Variants in MGAM observed in about 807,000 individuals in gnomAD.
The protein encoded by MGAM is maltase-glucoamylase.
A neutral mutation model predicts 358.8 loss-of-function variants in MGAM; 253 were observed. The observed-to-expected ratio is 0.71, with a 90% confidence interval of 0.64 to 0.78. MGAM has a LOEUF of 0.78. Ranked by LOEUF, MGAM falls within the 30% of genes least tolerant of loss-of-function variation. The pLI, the probability that MGAM is intolerant of heterozygous loss-of-function variation, is 0.00. For missense variants in MGAM, 3,080 were observed against 3,432.6 expected (o/e 0.90, Z 2.57); for synonymous variants, 1,105 against 1,227.1 (o/e 0.90, Z 2.08).
chr7:142,027,214 A>G lies in MGAM; in HGVS notation c.1082A>G (p.Gln361Arg). ...FLGNTPEQVV[Q>R]EYLELIGRPA... ...GGAAACACTCCAGAGCAAGTTGTTC[A>G]AGAATATCTAGAGGTAAACTTAGGA... Residue 361 changes from glutamine (Q) to arginine (R), a missense_variant, in exon 9 of 71, where the codon CAA (glutamine) becomes CGA (arginine). By Grantham distance (43) the Gln-to-Arg change is conservative. Coordinates refer to ENST00000475668, the MANE Select transcript of MGAM (RefSeq NM_001365693.1). 6.2e-7 allele frequency: 1 copy of G among 1,610,880 alleles called. No homozygotes were observed. Among genetic ancestry groups the G allele is most frequent in the Non-Finnish European group, 8.5e-7 (1 of 1,177,100 alleles).
At chr7:142,058,113 G>T in intron 30 of MGAM, 90 bp from the exon 31 acceptor site, 4 of 1,579,904 alleles carry the variant, frequency 2.5e-6, no homozygotes, top group Non-Finnish European at 3.4e-6. Flanking sequence ...TGTCTAGCTT[G>T]GGGCACAGAA....
intron 44 of MGAM, among the ~76,000 whole-genome samples, 158 bp downstream of exon 44, chr7:142,071,276 G>A (rs1813327757): frequency 1.4e-5 from 2 of 146,534 alleles, no homozygotes; most frequent in African/African-American, 2.4e-5. Context: ...ATCTTTTTCA[G>A]ACTCTATACT....
chr7:142,036,142 A>T, intron 16 of MGAM, 27 bp from the exon 17 acceptor site: 11 of 1,499,888 alleles, frequency 7.3e-6, no homozygotes, highest in Non-Finnish European at 1.0e-5. Flanking sequence ...GAAGTGAGGT[A>T]TACCTGTTGT....
rs1563151941 is a variant in MGAM, at chr7:142,043,772, TTATATACACATAC to T, written c.2498+2927_2498+2939del. ...ACACATACGACATATAATATATACA[TTATATACACATAC>T]GACATATAATATATACATTATATAC... On this transcript the variant is annotated intron_variant, in intron 21 of 70. Coordinates refer to ENST00000475668, the MANE Select transcript of MGAM (RefSeq NM_001365693.1). Among the ~76,000 whole-genome samples, 12 of 85,340 alleles carry T rather than the reference TTATATACACATAC, an allele frequency of 1.4e-4. 1 individual carries two copies. In the East Asian group the frequency reaches 3.4e-3, roughly 24 times the overall value. The allele number at this position is 85,340 out of a possible 152,430, so 56.0% of individuals were successfully genotyped here. A position where few individuals can be genotyped will look rare whatever the true frequency, so the allele number is the denominator to read the frequency against.
rs914550680 is a variant in MGAM, at chr7:142,022,460, C to T, written c.882+21C>T. 4 of 1,606,746 alleles carry T rather than the reference C, an allele frequency of 2.5e-6. No individual in the cohort carries two copies. The Admixed American group carries it at 6.7e-5, about 27-fold the overall frequency. ...ATGGAGTAAGCTTTCAAATGGGCCC[C>T]TTTCCACTGAATATCATAGTCTCAT... On this transcript the variant is annotated intron_variant, in intron 7 of 70. Coordinates refer to ENST00000475668, the MANE Select transcript of MGAM (RefSeq NM_001365693.1).
In MGAM at chr7:142,093,427, A is replaced by T. The variant is rs1258746470; in HGVS notation, c.7049A>T (p.Asp2350Val). Residue 2350 changes from aspartate to valine, a missense_variant, in exon 60 of 71, where the codon GAC (aspartate) becomes GTC (valine). Physicochemically the swap from Asp to Val is radical, Grantham distance 152 (BLOSUM62 -3). This residue lies in a region of MGAM where 932 missense variants were observed against 1,198.2 expected (regional missense o/e 0.78). Transcript: ENST00000475668. ...TCCTCCTCAGATTTGGAGTCCAGGG[A>T]CAGGGGCCTGAGCAGCAAGACCCTG... ...PPYMPYLESR[D>V]RGLSSKTLCM... 3 of 1,538,470 alleles carry T rather than the reference A, an allele frequency of 1.9e-6. No individual in the cohort carries two copies. The highest frequency in any genetic ancestry group is 1.7e-4 in the Middle Eastern group (1 of 5,850).
intron 2 of MGAM, among the ~76,000 whole-genome samples, chr7:141,988,016 G>A (rs1803783227): frequency 6.6e-6 from 1 of 152,138 alleles, no homozygotes; most frequent in African/African-American, 2.4e-5. Flanking sequence ...GGCTGGGCGT[G>A]GTGGCTCATG....
intron 40 of MGAM, among the ~76,000 whole-genome samples, chr7:142,066,301 T>C (rs1241443902): frequency 1.4e-5 from 2 of 145,974 alleles, no homozygotes; most frequent in Non-Finnish European, 3.1e-5. Flanking sequence ...ATATTCCTCA[T>C]TGTGCTTTAG....
At chr7:141,987,573 T>C (rs1464441104) in intron 2 of MGAM, among the ~76,000 whole-genome samples, 1 of 151,544 alleles carries the variant, frequency 6.6e-6, no homozygotes, top group Non-Finnish European at 1.5e-5. Flanking sequence ...AAGTGGACCA[T>C]GCAGGTGTCA....
chr7:142,094,991 G>C lies in MGAM; in HGVS notation c.7458+128G>C, dbSNP rs548000510. On this transcript the variant is annotated intron_variant, in intron 63 of 70. Transcript: ENST00000475668. ...TTTTTTTTTTTTCTTTTGAGACAAA[G>C]ACTCATTCTATTGCCTAAGCTGGAT... 742 of 894,364 alleles carry C rather than the reference G, an allele frequency of 8.3e-4. 4 individuals carry two copies. The highest frequency in any genetic ancestry group is 1.1e-3 in the Non-Finnish European group (648 of 602,778). The allele number at this position is 894,364 out of a possible 1,614,324, so 55.4% of individuals were successfully genotyped here. A position where few individuals can be genotyped will look rare whatever the true frequency, so the allele number is the denominator to read the frequency against.
chr7:142,086,148 TCTC>T (rs2129055364), intron 55 of MGAM, 67 bp from the exon 56 acceptor site: 1 of 1,436,322 alleles, frequency 7.0e-7, no homozygotes, highest in South Asian at 1.3e-5. Flanking sequence ...CTGGAGGAGT[TCTC>T]CTTCATTCTG....
At chr7:142,101,734 C>T (rs35278052) in intron 68 of MGAM, among the ~76,000 whole-genome samples, 58,006 of 151,206 alleles carry the variant, frequency 0.38, 13,339 homozygotes, top group East Asian at 0.63. Context: ...GCAGAAACCC[C>T]CTCTCTACTA....
chr7:142,050,796 G>A lies in MGAM; in HGVS notation c.2737G>A (p.Val913Ile), dbSNP rs1456471736. 2.5e-6 allele frequency: 4 copies of A among 1,613,716 alleles called. No homozygotes were observed. The East Asian group carries it at 6.7e-5, about 27-fold the overall frequency. The change falls in exon 24 of 71, where the codon GTT becomes ATT. Residue 913 changes from valine to isoleucine, a missense_variant. By Grantham distance (29) the Val-to-Ile change is conservative. This residue lies in a region of MGAM where 1,816 missense variants were observed against 1,840.5 expected (regional missense o/e 0.99). Transcript: ENST00000475668. ...TCTTGGGACGGAGGAACCTAGCAAT[G>A]TTACAGTGAAACACAATGGTGTCCC... ...KILGTEEPSNVTVKHNGVPSQ... is the reference protein window; with the variant it reads ...KILGTEEPSNITVKHNGVPSQ...
intron 57 of MGAM, among the ~76,000 whole-genome samples, chr7:142,088,473 C>G (rs1337812060): frequency 2.0e-5 from 2 of 101,344 alleles, no homozygotes; most frequent in African/African-American, 1.2e-4. Context: ...ACGTATCTAT[C>G]TATCTACCTA....
At chr7:142,007,803 A>G (rs1805288453) in intron 2 of MGAM, among the ~76,000 whole-genome samples, 1 of 152,016 alleles carries the variant, frequency 6.6e-6, no homozygotes, top group Non-Finnish European at 1.5e-5. Context: ...GTCATATAGG[A>G]CTTTGTATTT....
At chr7:142,077,566 C>T (rs1813848388) in intron 47 of MGAM, among the ~76,000 whole-genome samples, 1 of 145,160 alleles carries the variant, frequency 6.9e-6, no homozygotes, top group Non-Finnish European at 1.6e-5. Context: ...TTCAAATTTG[C>T]AGCCTTTATG....
intron 19 of MGAM, among the ~76,000 whole-genome samples, chr7:142,039,198 T>C (rs2960752): frequency 0.56 from 83,534 of 149,400 alleles, 23,561 homozygotes; most frequent in Middle Eastern, 0.63. Context: ...CTCCAACTCC[T>C]GGGTTCACAT....
rs532187197 is a variant in MGAM, at chr7:142,047,618, A to G, written c.2499-167A>G. Among the ~76,000 whole-genome samples, 56 of 152,260 alleles carry G rather than the reference A, an allele frequency of 3.7e-4. No individual in the cohort carries two copies. In the South Asian group the frequency reaches 0.011, roughly 29 times the overall value. On this transcript the variant is annotated intron_variant, in intron 21 of 70. Coordinates refer to ENST00000475668, the MANE Select transcript of MGAM (RefSeq NM_001365693.1). ...ATTTCTATCTCTTGTGACACTGTTG[A>G]TATTAAAGATAGGGGCGCCTGTCAA... is the stretch of plus-strand genomic sequence containing the variant.
Position 142,038,721 on chromosome 7 carries a change from T to G in MGAM, c.2316+106T>G, listed in dbSNP as rs965242040. 4.0e-5 allele frequency: 31 copies of G among 780,416 alleles called. No homozygotes were observed. The African/African-American group carries it at 5.5e-4, about 14-fold the overall frequency. 48.3% of individuals were successfully genotyped at this position (780,416 alleles called of 1,614,324 possible). ...CAAACTCACTTCTGACATCTGTGAC[T>G]GAGTCAGCCTTGAAGAGAGTGTGCT... is the stretch of plus-strand genomic sequence containing the variant. On this transcript the variant is annotated intron_variant, in intron 19 of 70. Coordinates refer to ENST00000475668, the MANE Select transcript of MGAM (RefSeq NM_001365693.1).
Sources: allele counts gnomAD v4.1 joint callset (sites outside exome capture counted in the v4.1 genomes callset), GRCh38; gene constraint gnomAD v4.1.1; regional missense constraint gnomAD v4.1.1; transcripts MANE v1.5; gene names NCBI Gene and HGNC (gene_info 2026-07-23, HGNC 2026-07-21).